COL24A1: variants seen among roughly 807,000 people sequenced by gnomAD.
COL24A1 encodes collagen type XXIV alpha 1 chain, also known as collagen alpha-1(XXIV) chain.
In COL24A1, 224 loss-of-function variants were observed where a neutral mutation model predicts 253.9. That is an observed-to-expected ratio of 0.88 (90% CI 0.79 to 0.99). The LOEUF is 0.99. Among genes scored for constraint, COL24A1 ranks in the 50% least tolerant of loss-of-function variants. COL24A1 has a pLI of 0.00. For synonymous variants in COL24A1, 685 were observed against 673.7 expected, an observed-to-expected ratio of 1.02 and a Z score of -0.26; for missense variants, 2,131 against 2,068.5, an observed-to-expected ratio of 1.03 and a Z score of -0.59.
intron 28 of COL24A1, among the ~76,000 whole-genome samples, chr1:85,900,050 A>G (rs1684120069): frequency 6.6e-6 from 1 of 152,232 alleles, no homozygotes; most frequent in South Asian, 2.1e-4. Flanking sequence ...ATGAATATTA[A>G]ACATTCACAA....
chr1:85,933,292 T>C (rs1359104307), intron 24 of COL24A1, among the ~76,000 whole-genome samples: 3 of 151,956 alleles, frequency 2.0e-5, no homozygotes, highest in Non-Finnish European at 2.9e-5. Flanking sequence ...TCATCGGCAA[T>C]AGAAAATGTA....
At chr1:85,833,546 A>G (rs1380272982) in intron 43 of COL24A1, among the ~76,000 whole-genome samples, 8 of 152,138 alleles carry the variant, frequency 5.3e-5, no homozygotes, top group Admixed American at 2.6e-4. Context: ...ACCATTGTGG[A>G]AGTCAGTGTG....
At chr1:86,023,918 C>G (rs12145024) in intron 14 of COL24A1, among the ~76,000 whole-genome samples, 1 of 151,976 alleles carries the variant, frequency 6.6e-6, no homozygotes, top group Non-Finnish European at 1.5e-5. Flanking sequence ...TAATGGAAAT[C>G]CAAGTTAGTT....
intron 44 of COL24A1, 42 bp from the exon 45 acceptor site, chr1:85,823,631 A>G (rs1558259905): frequency 6.2e-7 from 1 of 1,613,248 alleles, no homozygotes; most frequent in Non-Finnish European, 8.5e-7. Flanking sequence ...TGAAGCAGAG[A>G]CCAAATAAGT....
intron 45 of COL24A1, among the ~76,000 whole-genome samples, chr1:85,822,323 C>A (rs1244636032): frequency 6.6e-6 from 1 of 152,172 alleles, no homozygotes; most frequent in Non-Finnish European, 1.5e-5. Flanking sequence ...AGGAGAAACA[C>A]AATCTCAAAT....
intron 24 of COL24A1, among the ~76,000 whole-genome samples, chr1:85,937,959 T>A (rs1274848646): frequency 6.8e-6 from 1 of 147,552 alleles, no homozygotes; most frequent in East Asian, 2.1e-4. Context: ...GGGACTCATT[T>A]TATGCAAACA....
intron 43 of COL24A1, among the ~76,000 whole-genome samples, chr1:85,833,664 C>G (rs532520237): frequency 2.0e-5 from 3 of 152,238 alleles, no homozygotes; most frequent in African/African-American, 4.8e-5. Context: ...GACACATGCA[C>G]ACGTATGTTT....
chr1:86,026,925 T>G (rs1698086266), intron 14 of COL24A1, among the ~76,000 whole-genome samples: 1 of 152,092 alleles, frequency 6.6e-6, no homozygotes, highest in South Asian at 2.1e-4. Context: ...ATGAAAAACT[T>G]CCCAGGAACT....
intron 7 of COL24A1, among the ~76,000 whole-genome samples, chr1:86,066,690 T>C (rs1701517504): frequency 6.6e-6 from 1 of 152,244 alleles, no homozygotes; most frequent in Admixed American, 6.5e-5. Flanking sequence ...AGCCATATTG[T>C]GAACCTCAAT....
At chr1:85,859,239 C>G (rs936977850) in intron 37 of COL24A1, among the ~76,000 whole-genome samples, 4 of 152,020 alleles carry the variant, frequency 2.6e-5, no homozygotes, top group Non-Finnish European at 4.4e-5. Flanking sequence ...AGAATGTATG[C>G]CCAAAATTGA....
At chr1:86,117,923 C>A (rs1706307741) in intron 3 of COL24A1, among the ~76,000 whole-genome samples, 1 of 152,142 alleles carries the variant, frequency 6.6e-6, no homozygotes, top group Non-Finnish European at 1.5e-5. Context: ...TCTTTCTAAG[C>A]CTTAGTTTCC....
chr1:85,738,514 G>C (rs1010967339), intron 57 of COL24A1, among the ~76,000 whole-genome samples: 22 of 152,118 alleles, frequency 1.4e-4, no homozygotes, highest in Admixed American at 2.6e-4. Context: ...TACTTAGACT[G>C]AAAAGCAATG....
rs534527882 is a variant in COL24A1 at position 85,965,694 on chromosome 1, C to T, written c.2464-632G>A. Among the ~76,000 whole-genome samples, 4 of 152,134 alleles carry T rather than the reference C, an allele frequency of 2.6e-5. No individual in the cohort carries two copies. In the East Asian group the frequency reaches 7.7e-4, roughly 29 times the overall value. On this transcript the variant is annotated intron_variant, in intron 22 of 59. Transcript: ENST00000370571. ...GAGTGCCATTTCCTGGGGGAGTTGG[C>T]AGTTTGGTGGCATTTGAGTAAAGAC...
chr1:85,946,939 G>T (rs1288596572), intron 24 of COL24A1, among the ~76,000 whole-genome samples: 4 of 152,166 alleles, frequency 2.6e-5, no homozygotes, highest in Non-Finnish European at 5.9e-5. Context: ...CAAAAAGAAA[G>T]AAATCCAGTC....
At chr1:85,737,048 G>C (rs1175538871) in intron 58 of COL24A1, among the ~76,000 whole-genome samples, 3 of 151,994 alleles carry the variant, frequency 2.0e-5, no homozygotes, top group African/African-American at 7.3e-5. Context: ...CAAAACTTCA[G>C]GTAACTGATT....
intron 48 of COL24A1, 111 bp downstream of exon 48, chr1:85,786,243 C>T: frequency 1.1e-6 from 1 of 951,576 alleles, no homozygotes; most frequent in South Asian, 2.2e-5. Flanking sequence ...TACTATTAGC[C>T]AAATTCTATT....
At position 85,823,726 on chromosome 1, in the gene COL24A1, C is replaced by A; in HGVS notation, c.3694G>T (p.Val1232Leu). 1.9e-6 allele frequency: 3 copies of A among 1,613,682 alleles called. No homozygotes were observed. Among genetic ancestry groups the A allele is most frequent in the Non-Finnish European group, 2.5e-6 (3 of 1,179,722 alleles). Residue 1232 changes from valine to leucine, a missense_variant, in exon 44 of 60, where the codon GTA becomes TTA. Coordinates refer to ENST00000370571, the MANE Select transcript of COL24A1 (RefSeq NM_152890.7). ...CCAGTGGCACCTCTTAGTCCTGGTA[C>A]ACCCACATGGCCCTAGAAATAGAAA... ...GAEGYKGHVG[V>L]PGLRGATGQQ... is the part of the protein sequence containing the mutation.
At chr1:85,863,172 C>T (rs1679359561) in intron 37 of COL24A1, among the ~76,000 whole-genome samples, 1 of 152,182 alleles carries the variant, frequency 6.6e-6, no homozygotes, top group Non-Finnish European at 1.5e-5. Flanking sequence ...ATTTTGTATG[C>T]TGAGACTTTG....
chr1:86,074,894 T>A (rs1397856237), intron 7 of COL24A1, among the ~76,000 whole-genome samples: 2 of 152,102 alleles, frequency 1.3e-5, no homozygotes, highest in African/African-American at 4.8e-5. Flanking sequence ...TGGAGCACAG[T>A]TAAGCAGTGT....
Sources: allele counts gnomAD v4.1 joint callset (sites outside exome capture counted in the v4.1 genomes callset), GRCh38; gene constraint gnomAD v4.1.1; transcripts MANE v1.5; gene names NCBI Gene and HGNC (gene_info 2026-07-23, HGNC 2026-07-21).